Variants in PSME2 observed in about 807,000 individuals in gnomAD.
The protein encoded by PSME2 is proteasome activator complex subunit 2.
A neutral mutation model predicts 38.8 loss-of-function variants in PSME2; 20 were observed. The ratio of observed to expected loss-of-function variants is 0.52; its 90% CI spans 0.36 to 0.75. The LOEUF is 0.75. Ranked by LOEUF, PSME2 falls within the 30% of genes least tolerant of loss-of-function variation. The pLI, the probability that PSME2 is intolerant of heterozygous loss-of-function variation, is 0.00. For missense variants in PSME2, 227 were observed against 287.6 expected (o/e 0.79, Z 1.52); for synonymous variants, 82 against 102.5 (o/e 0.80, Z 1.21).
Position 24,143,777 on chromosome 14 carries a change from G to C in PSME2, c.553-106C>G. 1 of 1,346,786 alleles carries C rather than the reference G, an allele frequency of 7.4e-7. No individual in the cohort carries two copies. The highest frequency in any genetic ancestry group is 2.3e-5 in the East Asian group (1 of 43,348). The allele number at this position is 1,346,786 out of a possible 1,614,324, so 83.4% of individuals were successfully genotyped here. On this transcript the variant is annotated intron_variant, in intron 9 of 10. Transcript: ENST00000216802. This position sits in a 1 kb window ranked among gnomAD's most constrained non-coding sequence, Gnocchi z 4.4. ...TAACTTGAGAATGAACCCCTTCTTA[G>C]CACCAAGAAATAGGATCCCAAAGGA...
In PSME2 at chr14:24,145,724, T is replaced by A. The variant is rs758486540; in HGVS notation, c.130A>T (p.Asn44Tyr). ...ACACTACTCACTTGCAAGAGCTGATTCAGGTATATGATTTTCTGTGGCAAG... is the reference window on the plus strand; with the variant it reads ...ACACTACTCACTTGCAAGAGCTGATACAGGTATATGATTTTCTGTGGCAAG... ...RFLPQKIIYLNQLLQEDSLNV... is the reference protein window; with the variant it reads ...RFLPQKIIYLYQLLQEDSLNV... The change falls in exon 3 of 11, where the codon AAT becomes TAT. Residue 44 changes from asparagine to tyrosine, a missense_variant. Around this residue, in one of 3 missense-constraint regions of PSME2, gnomAD observed 80 missense variants for 77.3 expected, o/e 1.04. Coordinates refer to ENST00000216802, the MANE Select transcript of PSME2 (RefSeq NM_002818.3). The A allele has an allele frequency of 5.0e-6, 8 of 1,613,888 alleles. No homozygotes were observed. The South Asian group carries it at 8.8e-5, about 18-fold the overall frequency.
intron 3 of PSME2, 72 bp downstream of exon 3, chr14:24,145,638 T>C (rs2038140425): frequency 3.3e-6 from 5 of 1,526,842 alleles, no homozygotes; most frequent in South Asian, 1.1e-5. Flanking sequence ...CTGAATCCAG[T>C]TGTTAGCTAG....
intron 2 of PSME2, 145 bp from the exon 3 acceptor site, chr14:24,145,917 C>A (rs756005451): frequency 1.1e-6 from 1 of 949,394 alleles, no homozygotes. Flanking sequence ...AAGGACTTGC[C>A]CAAGCTGGTA....
intron 5 of PSME2, 36 bp from the exon 6 acceptor site, chr14:24,145,191 C>G (rs749642670): frequency 6.2e-7 from 1 of 1,611,896 alleles, no homozygotes; most frequent in Middle Eastern, 1.7e-4. Flanking sequence ...CTTTCTCATC[C>G]AGTAGTCAGT....
chr14:24,144,664 A>AAACT (rs2038123804), intron 6 of PSME2, 196 bp from the exon 7 acceptor site: 1 of 630,550 alleles, frequency 1.6e-6, no homozygotes, highest in Non-Finnish European at 2.7e-6. Flanking sequence ...ACAGATGAAA[A>AAACT]AACTGAGTCA....
At chr14:24,144,893 G>A (rs547180556) in intron 6 of PSME2, 165 bp downstream of exon 6, 1 of 715,156 alleles carries the variant, frequency 1.4e-6, no homozygotes, top group Admixed American at 2.4e-5. Context: ...TGATAAGAGA[G>A]GTCTAACAGA....
At chr14:24,145,865 G>A in intron 2 of PSME2, 93 bp from the exon 3 acceptor site, 1 of 1,343,122 alleles carries the variant, frequency 7.4e-7, no homozygotes, top group Non-Finnish European at 1.1e-6. Flanking sequence ...AAATCACTGG[G>A]TCCAAGACTT....
chr14:24,146,027 A>G, intron 2 of PSME2, 181 bp downstream of exon 2: 1 of 841,406 alleles, frequency 1.2e-6, no homozygotes, highest in South Asian at 1.5e-5. Context: ...AAGTCGGGAG[A>G]GTCATAAGAA....
Position 24,146,225 on chromosome 14 carries a change from G to A in PSME2, c.64C>T (p.Gln22Ter). Residue 22 changes from glutamine (Q) to a stop codon, truncating the protein, a stop_gained, in exon 2 of 11, where the codon CAG becomes TAG. Coordinates refer to ENST00000216802, the MANE Select transcript of PSME2 (RefSeq NM_002818.3). LOFTEE classifies it high-confidence loss of function. ...EARKQVEVFR[Q>*]NLFQEAEEFL... is the part of the protein sequence containing the mutation. The stretch of plus-strand genomic sequence containing the variant: ...AGACTTACCTCCTGGAAAAGATTCT[G>A]TCTGAAGACCTCCACCTACACAGAG... 1.2e-6 allele frequency: 2 copies of A among 1,613,396 alleles called. No homozygotes were observed. Among genetic ancestry groups the A allele is most frequent in the African/African-American group, 1.3e-5 (1 of 74,852 alleles).
chr14:24,145,177 G>T (rs760724095), intron 5 of PSME2, 22 bp from the exon 6 acceptor site: 1 of 1,611,126 alleles, frequency 6.2e-7, no homozygotes, highest in Non-Finnish European at 8.5e-7. Context: ...AGGGGATTCA[G>T]GCCCTTTCTC....
At chr14:24,144,759 G>A in intron 6 of PSME2, 1 of 568,860 alleles carries the variant, frequency 1.8e-6, no homozygotes. Flanking sequence ...TCTCTCTAGG[G>A]TCCAATCTTT....
chr14:24,143,930 C>A lies in PSME2; in HGVS notation c.552+45G>T, dbSNP rs141394974. On this transcript the variant is annotated intron_variant, in intron 9 of 10. Coordinates refer to ENST00000216802, the MANE Select transcript of PSME2 (RefSeq NM_002818.3). The surrounding 1 kb of genome is among the most constrained non-coding windows in gnomAD (Gnocchi z 4.4). ...AAGGAGGACTTCTTCCTCCACACCT[C>A]CTCGTCCCACACCCAGCTAAAAGGC... is the stretch of plus-strand genomic sequence containing the variant. 4 of 1,592,788 alleles carry A rather than the reference C, an allele frequency of 2.5e-6. No individual in the cohort carries two copies. Among genetic ancestry groups the A allele is most frequent in the Non-Finnish European group, 3.4e-6 (4 of 1,161,220 alleles).
intron 2 of PSME2, 120 bp from the exon 3 acceptor site, chr14:24,145,892 A>G: frequency 9.0e-7 from 1 of 1,112,712 alleles, no homozygotes; most frequent in Non-Finnish European, 1.4e-6. Flanking sequence ...GAGGAAACTG[A>G]AGACCTGAAA....
intron 6 of PSME2, 124 bp from the exon 7 acceptor site, chr14:24,144,592 G>C: frequency 1.1e-6 from 1 of 901,404 alleles, no homozygotes; most frequent in East Asian, 2.6e-5. Context: ...ACTGTGCCAT[G>C]TATTTATTTC....
chr14:24,143,460 G>C lies in PSME2; in HGVS notation c.669C>G (p.Asn223Lys). The C allele has an allele frequency of 6.2e-7, 1 of 1,614,124 alleles. No individual in the cohort carries two copies. Among genetic ancestry groups the C allele is most frequent in the Non-Finnish European group, 8.5e-7 (1 of 1,180,030 alleles). The change falls in exon 11 of 11, where the codon AAC (asparagine) becomes AAG (lysine). Residue 223 changes from asparagine to lysine, a missense_variant. Asn to Lys is a moderately conservative substitution (Grantham distance 94). This residue lies in a region of PSME2 where 99 missense variants were observed against 113.9 expected (regional missense o/e 0.87). Coordinates refer to ENST00000216802, the MANE Select transcript of PSME2 (RefSeq NM_002818.3). This position sits in a 1 kb window ranked among gnomAD's most constrained non-coding sequence, Gnocchi z 4.4. ...CCTTTGGGTTGACAATTTTCTCCAGGTTGCTGCTGATGATATGATAAAGCT... is the reference window on the plus strand; with the variant it reads ...CCTTTGGGTTGACAATTTTCTCCAGCTTGCTGCTGATGATATGATAAAGCT... ...YAELYHIISS[N>K]LEKIVNPKGE...
intron 6 of PSME2, chr14:24,144,843 A>G (rs1225332403): frequency 1.7e-6 from 1 of 602,384 alleles, no homozygotes; most frequent in Non-Finnish European, 2.9e-6. Context: ...GAGGTTACAG[A>G]GTGGATACTG....
chr14:24,145,311 C>G (rs1220142791), intron 4 of PSME2, 38 bp from the exon 5 acceptor site: 2 of 1,613,606 alleles, frequency 1.2e-6, no homozygotes, highest in Non-Finnish European at 1.7e-6. Flanking sequence ...TTAGAAAAGT[C>G]ACAGAGGTTG....
rs1387395326 is a variant in PSME2 at position 24,144,389 on chromosome 14, C to T, written c.429+11G>A. The T allele has an allele frequency of 6.2e-7, 1 of 1,611,870 alleles. No individual in the cohort carries two copies. The highest frequency in any genetic ancestry group is 8.5e-7 in the Non-Finnish European group (1 of 1,177,958). ...CCCCACTCTAAGTATCTTCAGTTAC[C>T]CTTTTCTTACCTGGATTGCTACCCC... On this transcript the variant is annotated intron_variant, in intron 7 of 10. Coordinates refer to ENST00000216802, the MANE Select transcript of PSME2 (RefSeq NM_002818.3).
In PSME2 at chr14:24,145,286, G is replaced by A; in HGVS notation, c.232-13C>T. 1 of 1,613,936 alleles carries A rather than the reference G, an allele frequency of 6.2e-7. No individual in the cohort carries two copies. Among genetic ancestry groups the A allele is most frequent in the African/African-American group, 1.3e-5 (1 of 75,020 alleles). Reference sequence around the variant, plus strand: ...TATCTGTTTCCATCTAAGGCAAAAAGGGGGGAAAGTAGCTTTAGAAAAGTC... The same window carrying A: ...TATCTGTTTCCATCTAAGGCAAAAAAGGGGGAAAGTAGCTTTAGAAAAGTC... On this transcript the variant is annotated splice_polypyrimidine_tract_variant and intron_variant, in intron 4 of 10. Transcript: ENST00000216802.
Sources: gnomAD v4.1 joint callset for allele counts on GRCh38, gnomAD v4.1.1 for gene constraint, gnomAD v4.1.1 regional missense constraint, Gnocchi (gnomAD v3.1) non-coding constraint, MANE v1.5 for transcripts, NCBI Gene and HGNC (gene_info 2026-07-23, HGNC 2026-07-21) for gene names.